The following TRPC6 variants were observed in gnomAD, a reference collection of about 807,000 sequenced individuals.
TRPC6 encodes the protein transient receptor potential cation channel subfamily C member 6, also known as short transient receptor potential channel 6.
TRPC6 carries 55 observed loss-of-function variants against 90.7 expected under a neutral mutation model. The observed-to-expected ratio is 0.61, with a 90% CI of 0.49 to 0.76. The LOEUF (loss-of-function observed/expected upper bound fraction) is 0.76, where lower values mean the gene tolerates loss of function less well. TRPC6 is among the 30% of genes least tolerant of loss of function. The pLI, the probability that TRPC6 is intolerant of heterozygous loss-of-function variation, is 0.00. For missense variants in TRPC6, 989 were observed against 1,122.7 expected (o/e 0.88, Z 1.70); for synonymous variants, 393 against 393.0 (o/e 1.00, Z 0.00).
At chr11:101,583,148 C>T (rs1256517856) in intron 1 of TRPC6, 186 bp downstream of exon 1, 2 of 984,514 alleles carry the variant, frequency 2.0e-6, no homozygotes, top group Non-Finnish European at 2.4e-6. Context: ...CCCGCCTCCC[C>T]CACTCCCCGC....
In TRPC6 at chr11:101,471,282, T is replaced by C. The variant is rs1347070160; in HGVS notation, c.2310A>G (p.Pro770=). 6.2e-7 allele frequency: 1 copy of C among 1,613,906 alleles called. No individual in the cohort carries two copies. Among genetic ancestry groups the C allele is most frequent in the East Asian group, 2.2e-5 (1 of 44,880 alleles). ...TCAGTAAGAGATAAAACAGGGACTT[T>C]GGACTCGGCACCAGATTGAAGGGTA... is the stretch of plus-strand genomic sequence containing the variant. ...LPVPFNLVPS[P]KSLFYLLLKL... The change falls in exon 9 of 13, where the codon CCA becomes CCG. Residue 770 remains proline (P), a synonymous_variant. Transcript: ENST00000344327.
chr11:101,574,299 GC>G (rs1565252802), intron 1 of TRPC6, among the ~76,000 whole-genome samples: 1 of 150,850 alleles, frequency 6.6e-6, no homozygotes, highest in African/African-American at 2.5e-5. Flanking sequence ...TTAATTATGT[GC>G]ATAAGAGTTA....
chr11:101,457,807 G>A (rs1381364509), intron 10 of TRPC6, among the ~76,000 whole-genome samples: 3 of 152,090 alleles, frequency 2.0e-5, no homozygotes, highest in Admixed American at 6.6e-5. Flanking sequence ...AAGAGATGGG[G>A]TATAGAGAAT....
Position 101,547,140 on chromosome 11 carries a change from A to G in TRPC6, c.170+36194T>C, listed in dbSNP as rs146842295. On this transcript the variant is annotated intron_variant, in intron 1 of 12. Coordinates refer to ENST00000344327, the MANE Select transcript of TRPC6 (RefSeq NM_004621.6). ...GTTCCTTGATCTTGGCCATTGCTAC[A>G]TGGAATTCATTTTATAATTATTAAA... Among the ~76,000 whole-genome samples the G allele has an allele frequency of 2.8e-3, 421 of 152,312 alleles. 2 individuals are homozygous for G. Among genetic ancestry groups the G allele is most frequent in the African/African-American group, 9.9e-3 (413 of 41,582 alleles).
In TRPC6 at chr11:101,482,964, T is replaced by C; in HGVS notation, c.1495A>G (p.Ile499Val). ...SCFSWMEMLI[I>V]SWVIGMIWAE... The stretch of plus-strand genomic sequence containing the variant: ...CAGTCTTTACCTATTACCCAGGATA[T>C]AATGAGCATCTCCATCCATGAGAAG... Residue 499 changes from isoleucine (I) to valine (V), a missense_variant, in exon 5 of 13, where the codon ATA (isoleucine) becomes GTA (valine). This residue lies in a region of TRPC6 where 486 missense variants were observed against 591.9 expected (regional missense o/e 0.82). Transcript: ENST00000344327. 6.2e-7 allele frequency: 1 copy of C among 1,613,960 alleles called. No homozygotes were observed. Among genetic ancestry groups the C allele is most frequent in the African/African-American group, 1.3e-5 (1 of 75,024 alleles).
chr11:101,493,493 T>C (rs565017619), intron 2 of TRPC6, among the ~76,000 whole-genome samples: 32 of 152,276 alleles, frequency 2.1e-4, no homozygotes, highest in African/African-American at 7.2e-4. Flanking sequence ...AGCACCAAAA[T>C]CGAGCTTTAA....
chr11:101,468,276 G>C (rs906172638), intron 10 of TRPC6, among the ~76,000 whole-genome samples: 3 of 152,176 alleles, frequency 2.0e-5, no homozygotes, highest in African/African-American at 7.2e-5. Context: ...TAATGGCTTA[G>C]GGTTCCCCTT....
intron 1 of TRPC6, among the ~76,000 whole-genome samples, chr11:101,582,851 C>A (rs1207056079): frequency 6.6e-6 from 1 of 152,100 alleles, no homozygotes; most frequent in African/African-American, 2.4e-5. Flanking sequence ...CTAAGCCAAG[C>A]GTGGAGACCG....
intron 1 of TRPC6, among the ~76,000 whole-genome samples, chr11:101,534,101 G>T (rs1441823101): frequency 6.6e-6 from 1 of 151,958 alleles, no homozygotes; most frequent in Non-Finnish European, 1.5e-5. Context: ...ACTGAACTGG[G>T]CCCCGATTCC....
Position 101,504,044 on chromosome 11 carries a change from T to C in TRPC6, c.925A>G (p.Asn309Asp). The C allele has an allele frequency of 6.2e-7, 1 of 1,614,052 alleles. No individual in the cohort carries two copies. The highest frequency in any genetic ancestry group is 8.5e-7 in the Non-Finnish European group (1 of 1,179,958). ...CCTACCTTGAACTCTTTCTCAATATTGGCCAGAACTGCCAGTTCATTGCTA... is the reference window on the plus strand; with the variant it reads ...CCTACCTTGAACTCTTTCTCAATATCGGCCAGAACTGCCAGTTCATTGCTA... Reference protein sequence around the residue: ...ELSNELAVLANIEKEFKNDYK... With the variant: ...ELSNELAVLADIEKEFKNDYK... Residue 309 changes from asparagine to aspartate, a missense_variant, in exon 2 of 13, where the codon AAT (asparagine) becomes GAT (aspartate). Transcript: ENST00000344327.
intron 1 of TRPC6, among the ~76,000 whole-genome samples, chr11:101,568,925 G>A (rs1591144982): frequency 1.3e-5 from 2 of 152,088 alleles, no homozygotes; most frequent in African/African-American, 4.8e-5. Context: ...AATTGTAAAG[G>A]CCATCAACGC....
rs78917015 is a variant in TRPC6, at chr11:101,550,133, T to A, written c.170+33201A>T. Among the ~76,000 whole-genome samples, 553 of 151,750 alleles carry A rather than the reference T, an allele frequency of 3.6e-3. 4 individuals are homozygous for A. Among genetic ancestry groups the A allele is most frequent in the African/African-American group, 0.013 (529 of 41,534 alleles). ...AGTCTAAAAAGAATCTAAATTTTTT[T>A]AAGATGTTTTTTGCAACATTATAAG... On this transcript the variant is annotated intron_variant, in intron 1 of 12. Transcript: ENST00000344327.
chr11:101,501,321 T>C (rs1312310114), intron 2 of TRPC6, among the ~76,000 whole-genome samples: 1 of 152,174 alleles, frequency 6.6e-6, no homozygotes, highest in Admixed American at 6.5e-5. Context: ...TATCAGTGTT[T>C]ATTTCTTGAT....
chr11:101,512,562 G>A (rs1054419468), intron 1 of TRPC6, among the ~76,000 whole-genome samples: 6 of 152,048 alleles, frequency 3.9e-5, no homozygotes, highest in Non-Finnish European at 7.4e-5. Context: ...TATTTCATGT[G>A]TCATGTCTTC....
intron 1 of TRPC6, among the ~76,000 whole-genome samples, chr11:101,572,414 G>A (rs1040519722): frequency 6.6e-6 from 1 of 152,170 alleles, no homozygotes; most frequent in Non-Finnish European, 1.5e-5. Context: ...GTTGGTGGGA[G>A]TGTAAACTAG....
intron 2 of TRPC6, among the ~76,000 whole-genome samples, chr11:101,498,454 C>A (rs1431302571): frequency 6.6e-6 from 1 of 152,114 alleles, no homozygotes; most frequent in South Asian, 2.1e-4. Flanking sequence ...TCTCGTGTCA[C>A]CTCTGCTTGG....
Position 101,569,416 on chromosome 11 carries a change from G to A in TRPC6, c.170+13918C>T, listed in dbSNP as rs185317024. On this transcript the variant is annotated intron_variant, in intron 1 of 12. Transcript: ENST00000344327. ...AGACTTAGACTTGTACACAATGATA[G>A]TGGGAGACTTTAACACCCCACTGTC... Among the ~76,000 whole-genome samples the A allele has an allele frequency of 2.7e-3, 416 of 152,176 alleles. 3 individuals carry two copies. The highest frequency in any genetic ancestry group is 9.6e-3 in the African/African-American group (399 of 41,552).
In TRPC6 at chr11:101,489,015, G is replaced by C; in HGVS notation, c.1215C>G (p.Val405=). The C allele has an allele frequency of 6.2e-7, 1 of 1,614,176 alleles. No homozygotes were observed. Among genetic ancestry groups the C allele is most frequent in the Non-Finnish European group, 8.5e-7 (1 of 1,180,010 alleles). The change falls in exon 4 of 13, where the codon GTC becomes GTG. Residue 405 remains valine (V), a synonymous_variant. Transcript: ENST00000344327. The stretch of plus-strand genomic sequence containing the variant: ...CAACAGCAAGGACCACAAGGAACTT[G>C]ACCGCCATTGTCTGCTGTCGTAAAC... ...LSGLRQQTMA[V]KFLVVLAVAI... is the part of the protein sequence containing the mutation.
chr11:101,485,342 T>A (rs1238316202), intron 4 of TRPC6, among the ~76,000 whole-genome samples: 7 of 151,900 alleles, frequency 4.6e-5, no homozygotes, highest in Admixed American at 4.6e-4. Flanking sequence ...TTAAAACAAA[T>A]GGTATAAAAA....
Sources: gnomAD v4.1 joint callset for allele counts (sites outside exome capture counted in the v4.1 genomes callset) on GRCh38, gnomAD v4.1.1 for gene constraint, gnomAD v4.1.1 regional missense constraint, MANE v1.5 for transcripts, NCBI Gene and HGNC (gene_info 2026-07-23, HGNC 2026-07-21) for gene names.